The following ERCC6L2 variants were observed in gnomAD, a reference collection of about 807,000 sequenced individuals.
ERCC6L2 encodes ERCC excision repair 6 like 2, also known as DNA excision repair protein ERCC-6-like 2.
A neutral mutation model predicts 132.0 loss-of-function variants in ERCC6L2; 77 were observed. That is an observed-to-expected ratio of 0.58 (90% CI 0.49 to 0.71). The LOEUF is 0.71. ERCC6L2 is among the 30% of genes least tolerant of loss of function. The pLI is 0.00. For missense variants in ERCC6L2, 1,542 were observed against 1,837.6 expected, an observed-to-expected ratio of 0.84 and a Z score of 2.94; for synonymous variants, 583 against 632.4, an observed-to-expected ratio of 0.92 and a Z score of 1.17.
intron 16 of ERCC6L2, 47 bp downstream of exon 16, chr9:95,973,135 A>G (rs1158691808): frequency 1.3e-5 from 15 of 1,173,784 alleles, no homozygotes; most frequent in Non-Finnish European, 1.4e-5. Flanking sequence ...TATTTGTTTT[A>G]TCAAATAGTT....
At chr9:95,907,861 A>ACACAAACACACACACACACACACACACC in intron 4 of ERCC6L2, among the ~76,000 whole-genome samples, 1 of 148,538 alleles carries the variant, frequency 6.7e-6, no homozygotes, top group Non-Finnish European at 1.5e-5. Flanking sequence ...ACACACCCCC[A>ACACAAACACACACACACACACACACACC]CACCCACACA....
At position 95,928,150 on chromosome 9, in the gene ERCC6L2, G is replaced by C. The variant is rs1486013859; in HGVS notation, c.1605G>C (p.Lys535Asn). 1 of 1,607,934 alleles carries C rather than the reference G, an allele frequency of 6.2e-7. No homozygotes were observed. Among genetic ancestry groups the C allele is most frequent in the Admixed American group, 1.7e-5 (1 of 59,900 alleles). The change falls in exon 10 of 19, where the codon AAG becomes AAC. Residue 535 changes from lysine (K) to asparagine (N), a missense_variant and splice_region_variant. By Grantham distance (94) the Lys-to-Asn change is moderately conservative. Coordinates refer to ENST00000653738, the MANE Select transcript of ERCC6L2 (RefSeq NM_020207.7). ...TTCTTCTCTTTTCTTTTTCCACCAAGGTGAGTTCATCTAAAGTATATCCTT... is the reference window on the plus strand; with the variant it reads ...TTCTTCTCTTTTCTTTTTCCACCAACGTGAGTTCATCTAAAGTATATCCTT... Reference protein sequence around the residue: ...DKVLLFSFSTKLLDVLQQYCM... With the variant: ...DKVLLFSFSTNLLDVLQQYCM...
At chr9:95,900,798 TA>T (rs1278913024) in intron 3 of ERCC6L2, among the ~76,000 whole-genome samples, 1 of 152,230 alleles carries the variant, frequency 6.6e-6, no homozygotes, top group Non-Finnish European at 1.5e-5. Context: ...ATTGCATTGT[TA>T]AAATGTTTAA....
chr9:95,909,649 T>C (rs1379772975), intron 4 of ERCC6L2, among the ~76,000 whole-genome samples: 4 of 152,252 alleles, frequency 2.6e-5, no homozygotes, highest in African/African-American at 9.6e-5. Flanking sequence ...TCTTTCTTAA[T>C]GTTGCATTGT....
Position 95,876,102 on chromosome 9 carries a change from GCC to G in ERCC6L2, c.46+21_46+22del. On this transcript the variant is annotated intron_variant, in intron 1 of 18. Coordinates refer to ENST00000653738, the MANE Select transcript of ERCC6L2 (RefSeq NM_020207.7). ...AGGCAAAGGTACCAGCTCCGCGCTC[GCC>G]CCTTACGCAGAGGCCTGTGTACTGC... 1 of 1,557,896 alleles carries G rather than the reference GCC, an allele frequency of 6.4e-7. No homozygotes were observed. Among genetic ancestry groups the G allele is most frequent in the Non-Finnish European group, 8.7e-7 (1 of 1,150,984 alleles).
At chr9:95,916,691 T>A (rs530784185) in intron 6 of ERCC6L2, among the ~76,000 whole-genome samples, 1 of 151,338 alleles carries the variant, frequency 6.6e-6, no homozygotes, top group African/African-American at 2.4e-5. Context: ...AACCTTTTTT[T>A]TTTTTTTTTG....
chr9:95,995,784 G>A (rs1021127195), intron 17 of ERCC6L2, among the ~76,000 whole-genome samples: 5 of 152,148 alleles, frequency 3.3e-5, no homozygotes, highest in Non-Finnish European at 4.4e-5. Context: ...GATCTTTGAT[G>A]TTCCTGTTGT....
intron 19 of ERCC6L2, among the ~76,000 whole-genome samples, chr9:96,035,968 T>G (rs1472990332): frequency 6.6e-6 from 1 of 152,188 alleles, no homozygotes; most frequent in East Asian, 1.9e-4. Flanking sequence ...GACTGAAACT[T>G]TCGGAAAATA....
intron 2 of ERCC6L2, among the ~76,000 whole-genome samples, chr9:95,884,478 CTTCTT>C (rs1827759301): frequency 7.7e-6 from 1 of 130,162 alleles, no homozygotes. Flanking sequence ...ATAGTTTTAT[CTTCTT>C]TTCTTCTTTT....
intron 2 of ERCC6L2, among the ~76,000 whole-genome samples, chr9:95,895,827 C>A (rs976527153): frequency 6.6e-6 from 1 of 151,148 alleles, no homozygotes; most frequent in Admixed American, 6.6e-5. Context: ...CCCAGGTTCA[C>A]GCCATTCTCC....
chr9:95,942,425 T>A (rs542193745), intron 12 of ERCC6L2, among the ~76,000 whole-genome samples: 23 of 151,382 alleles, frequency 1.5e-4, no homozygotes, highest in African/African-American at 5.6e-4. Flanking sequence ...AGGAAAAAAG[T>A]ACATAAAAAA....
chr9:95,977,260 T>C (rs1183995050), intron 16 of ERCC6L2, among the ~76,000 whole-genome samples: 1 of 152,226 alleles, frequency 6.6e-6, no homozygotes, highest in African/African-American at 2.4e-5. Flanking sequence ...GTTATGCTAG[T>C]TACTGTCTCA....
chr9:95,941,357 T>C, intron 11 of ERCC6L2, 97 bp from the exon 12 acceptor site: 1 of 756,720 alleles, frequency 1.3e-6, no homozygotes, highest in Admixed American at 2.4e-5. Context: ...TGCAATATCG[T>C]ACTGTTTTGG....
intron 2 of ERCC6L2, among the ~76,000 whole-genome samples, chr9:95,892,854 C>G (rs370427410): frequency 6.6e-6 from 1 of 152,046 alleles, no homozygotes; most frequent in Non-Finnish European, 1.5e-5. Flanking sequence ...TGAAGTGTCC[C>G]TTGTAGACAG....
intron 17 of ERCC6L2, among the ~76,000 whole-genome samples, chr9:95,986,497 C>CT (rs57381408): frequency 0.056 from 6,556 of 116,168 alleles, 255 homozygotes; most frequent in Middle Eastern, 0.09. Context: ...TATCTCTCTC[C>CT]TTTTTTTTTT....
intron 13 of ERCC6L2, among the ~76,000 whole-genome samples, chr9:95,957,236 C>G (rs1831648869): frequency 6.6e-6 from 1 of 152,062 alleles, no homozygotes; most frequent in African/African-American, 2.4e-5. Flanking sequence ...GAATTGCTTC[C>G]TATATGTTCA....
intron 11 of ERCC6L2, among the ~76,000 whole-genome samples, chr9:95,933,765 A>G (rs1294633060): frequency 2.0e-5 from 3 of 150,314 alleles, no homozygotes; most frequent in Non-Finnish European, 3.0e-5. Context: ...AATTGTTTGA[A>G]CCCAGGAGGT....
At chr9:95,880,494 A>G (rs1827531788) in intron 1 of ERCC6L2, among the ~76,000 whole-genome samples, 1 of 152,186 alleles carries the variant, frequency 6.6e-6, no homozygotes. Context: ...GCTGTGCGTC[A>G]GAATGATCTT....
At chr9:95,964,171 T>G (rs1452441851) in intron 13 of ERCC6L2, among the ~76,000 whole-genome samples, 1 of 152,176 alleles carries the variant, frequency 6.6e-6, no homozygotes, top group African/African-American at 2.4e-5. Context: ...TGTTTGGCAC[T>G]CTACCATTTA....
Sources: gnomAD v4.1 joint callset for allele counts (sites outside exome capture counted in the v4.1 genomes callset) on GRCh38, gnomAD v4.1.1 for gene constraint, MANE v1.5 for transcripts, NCBI Gene and HGNC (gene_info 2026-07-23, HGNC 2026-07-21) for gene names.